FBXL17: variants seen among roughly 807,000 people sequenced by gnomAD.
FBXL17 encodes the protein F-box/LRR-repeat protein 17.
A neutral mutation model predicts 66.2 loss-of-function variants in FBXL17; 22 were observed. That is an observed-to-expected ratio of 0.33 (90% CI 0.24 to 0.47). The LOEUF (loss-of-function observed/expected upper bound fraction) is 0.47. FBXL17 is among the 20% of genes least tolerant of loss of function. FBXL17 has a pLI of 1.00. For synonymous variants in FBXL17, 474 were observed against 400.5 expected (o/e 1.18, Z -2.19); for missense variants, 878 against 948.2 (o/e 0.93, Z 0.97).
At chr5:107,952,289 A>T (rs1223827655) in intron 7 of FBXL17, among the ~76,000 whole-genome samples, 1 of 152,122 alleles carries the variant, frequency 6.6e-6, no homozygotes, top group African/African-American at 2.4e-5. Context: ...TAGAAACTGA[A>T]TTTTTTTGTA....
chr5:108,026,334 A>G (rs745746373), intron 6 of FBXL17, among the ~76,000 whole-genome samples: 2 of 152,220 alleles, frequency 1.3e-5, no homozygotes, highest in Admixed American at 6.5e-5. Flanking sequence ...AATGACAAAT[A>G]TAAGATTATT....
In FBXL17 at chr5:108,117,649, T is replaced by C. The variant is rs1750315945; in HGVS notation, c.1745+68468A>G. ...TTCTCTAATCAAAAGATGAGTATTT[T>C]TCAAAAAACGTTGAGGTATTAATAG... On this transcript the variant is annotated intron_variant, in intron 6 of 8. Transcript: ENST00000542267. Among the ~76,000 whole-genome samples, 2 of 152,140 alleles carry C rather than the reference T, an allele frequency of 1.3e-5. 1 individual carries two copies. The highest frequency in any genetic ancestry group is 1.3e-4 in the Admixed American group (2 of 15,270).
intron 7 of FBXL17, among the ~76,000 whole-genome samples, chr5:107,944,215 T>C (rs866402238): frequency 6.6e-6 from 1 of 152,228 alleles, no homozygotes; most frequent in South Asian, 2.1e-4. Context: ...CATTCATTCA[T>C]TCTTCTATTT....
chr5:107,870,938 G>A (rs968383331), intron 8 of FBXL17, among the ~76,000 whole-genome samples: 1 of 151,434 alleles, frequency 6.6e-6, no homozygotes, highest in African/African-American at 2.4e-5. Flanking sequence ...GCTAAATATG[G>A]GAATAAGCTG....
chr5:107,944,050 C>G (rs1393117585), intron 7 of FBXL17, among the ~76,000 whole-genome samples: 1 of 152,106 alleles, frequency 6.6e-6, no homozygotes, highest in Non-Finnish European at 1.5e-5. Flanking sequence ...ATACCATGCC[C>G]TTGATGTGAA....
chr5:107,927,108 A>G (rs1750548260), intron 7 of FBXL17, among the ~76,000 whole-genome samples: 2 of 152,198 alleles, frequency 1.3e-5, no homozygotes, highest in Non-Finnish European at 2.9e-5. Context: ...AAGTCCTATG[A>G]CTTTTAATAA....
At chr5:108,287,783 G>A (rs1490887100) in intron 4 of FBXL17, among the ~76,000 whole-genome samples, 3 of 151,772 alleles carry the variant, frequency 2.0e-5, no homozygotes, top group African/African-American at 4.8e-5. Flanking sequence ...CCTAAGAAAT[G>A]TAAGTCATTC....
chr5:108,352,422 T>C (rs564310288), intron 3 of FBXL17, among the ~76,000 whole-genome samples: 10 of 152,232 alleles, frequency 6.6e-5, no homozygotes, highest in Admixed American at 3.9e-4. Flanking sequence ...CAACCAAATC[T>C]TACAAAATCA....
intron 7 of FBXL17, among the ~76,000 whole-genome samples, chr5:107,884,203 T>C (rs1373255034): frequency 6.6e-6 from 1 of 152,144 alleles, no homozygotes; most frequent in Non-Finnish European, 1.5e-5. Context: ...TTGTGACAAG[T>C]GCTCTGAAGG....
intron 7 of FBXL17, among the ~76,000 whole-genome samples, chr5:107,994,689 T>G (rs1158901691): frequency 6.6e-6 from 1 of 151,710 alleles, no homozygotes; most frequent in Admixed American, 6.6e-5. Flanking sequence ...AATACAAAAC[T>G]TAGCCAGGCG....
At chr5:107,930,080 C>G (rs1424762978) in intron 7 of FBXL17, among the ~76,000 whole-genome samples, 1 of 152,160 alleles carries the variant, frequency 6.6e-6, no homozygotes. Flanking sequence ...CCCAACCATT[C>G]TGTACACAGC....
intron 5 of FBXL17, among the ~76,000 whole-genome samples, chr5:108,201,529 TTTAAA>T (rs1032729409): frequency 1.3e-5 from 2 of 152,266 alleles, no homozygotes; most frequent in African/African-American, 4.8e-5. Flanking sequence ...TAATAAATGT[TTTAAA>T]TTAATGTTTT....
intron 3 of FBXL17, among the ~76,000 whole-genome samples, chr5:108,354,854 G>C (rs1021140015): frequency 2.6e-5 from 4 of 151,488 alleles, no homozygotes; most frequent in African/African-American, 9.7e-5. Flanking sequence ...CAATCAAGAA[G>C]AAAGTAGAGT....
intron 7 of FBXL17, among the ~76,000 whole-genome samples, chr5:107,918,130 C>T (rs1750194341): frequency 6.6e-6 from 1 of 152,210 alleles, no homozygotes; most frequent in African/African-American, 2.4e-5. Context: ...GATCTACTCA[C>T]CCTCAGGAAT....
intron 6 of FBXL17, among the ~76,000 whole-genome samples, chr5:108,040,258 T>G (rs890516473): frequency 3.9e-5 from 6 of 152,148 alleles, no homozygotes; most frequent in African/African-American, 1.4e-4. Flanking sequence ...GTGGACTTAG[T>G]TGCCAACTTT....
chr5:108,349,552 C>T (rs1747509479), intron 3 of FBXL17, among the ~76,000 whole-genome samples: 1 of 152,062 alleles, frequency 6.6e-6, no homozygotes, highest in African/African-American at 2.4e-5. Flanking sequence ...TGCACTACAA[C>T]CAATAACATA....
chr5:108,144,565 C>A (rs1219430572), intron 6 of FBXL17, among the ~76,000 whole-genome samples: 1 of 152,122 alleles, frequency 6.6e-6, no homozygotes, highest in Non-Finnish European at 1.5e-5. Flanking sequence ...CAAAGATATA[C>A]CACGTGTTCC....
chr5:108,118,027 C>T (rs1223206239), intron 6 of FBXL17, among the ~76,000 whole-genome samples: 1 of 152,000 alleles, frequency 6.6e-6, no homozygotes, highest in Middle Eastern at 3.2e-3. Context: ...TTGGCATTAC[C>T]ACATAATACC....
At chr5:107,870,554 T>C (rs1366233952) in intron 8 of FBXL17, among the ~76,000 whole-genome samples, 1 of 151,872 alleles carries the variant, frequency 6.6e-6, no homozygotes, top group Non-Finnish European at 1.5e-5. Flanking sequence ...ACCCATGATA[T>C]GGAAGGAGAG....
Sources: gnomAD v4.1 joint callset for allele counts (sites outside exome capture counted in the v4.1 genomes callset) on GRCh38, gnomAD v4.1.1 for gene constraint, MANE v1.5 for transcripts, NCBI Gene and HGNC (gene_info 2026-07-23, HGNC 2026-07-21) for gene names.